The following CIT variants were observed in gnomAD, a reference collection of about 807,000 sequenced individuals.
The protein encoded by CIT is citron Rho-interacting kinase.
CIT carries 79 observed loss-of-function variants against 272.7 expected under a neutral mutation model. The ratio of observed to expected loss-of-function variants is 0.29; its 90% CI spans 0.24 to 0.35. The LOEUF is 0.35. Ranked by LOEUF, CIT falls within the 10% of genes least tolerant of loss-of-function variation. The probability of loss-of-function intolerance (pLI) is 1.00; values close to 1 mark genes in which losing one functional copy is unlikely to be tolerated. For synonymous variants in CIT, 948 were observed against 995.6 expected (o/e 0.95, Z 0.90); for missense variants, 1,909 against 2,618.3 (o/e 0.73, Z 5.91).
At chr12:119,809,651 G>A (rs915851519) in intron 9 of CIT, among the ~76,000 whole-genome samples, 1 of 152,114 alleles carries the variant, frequency 6.6e-6, no homozygotes, top group Admixed American at 6.5e-5. Flanking sequence ...CTTGGAGCTG[G>A]CCATAAAGAA....
Position 119,701,310 on chromosome 12 carries a change from A to AAAGGGAGGGG in CIT, c.5542+304_5542+313dup, listed in dbSNP as rs367986117. 2.3e-3 allele frequency among the ~76,000 whole-genome samples: 347 copies of AAAGGGAGGGG among 150,760 alleles called. 1 individual carries two copies. The highest frequency in any genetic ancestry group is 8.0e-3 in the African/African-American group (329 of 40,986). ...AAGAAAAGGACAGATAGAAGGATGG[A>AAAGGGAGGGG]AAGGGAGGGGAAGGGAGGGGAGGAC... On this transcript the variant is annotated intron_variant, in intron 43 of 47. Coordinates refer to ENST00000392521, the MANE Select transcript of CIT (RefSeq NM_001206999.2).
intron 2 of CIT, among the ~76,000 whole-genome samples, chr12:119,874,907 TA>T (rs1245174185): frequency 5.9e-5 from 9 of 151,796 alleles, no homozygotes; most frequent in Admixed American, 3.3e-4. Context: ...AAAAAAATCT[TA>T]AAAAATAAAC....
chr12:119,710,702 G>A lies in CIT; in HGVS notation c.4855-82C>T. 1 of 1,362,590 alleles carries A rather than the reference G, an allele frequency of 7.3e-7. No homozygotes were observed. The highest frequency in any genetic ancestry group is 1.0e-6 in the Non-Finnish European group (1 of 954,450). 84.4% of individuals were successfully genotyped at this position (1,362,590 alleles called of 1,614,324 possible). A position where few individuals can be genotyped will look rare whatever the true frequency, so the allele number is the denominator to read the frequency against. ...TGACCAAACCATCCAGAGAAACCAAGAGAAGGTTAAGGCCAAGTTATTCCT... is the reference window on the plus strand; with the variant it reads ...TGACCAAACCATCCAGAGAAACCAAAAGAAGGTTAAGGCCAAGTTATTCCT... On this transcript the variant is annotated intron_variant, in intron 37 of 47. Coordinates refer to ENST00000392521, the MANE Select transcript of CIT (RefSeq NM_001206999.2). This position sits in a 1 kb window ranked among gnomAD's most constrained non-coding sequence, Gnocchi z 5.6.
At chr12:119,764,891 C>T (rs1468987405) in intron 19 of CIT, among the ~76,000 whole-genome samples, 2 of 152,026 alleles carry the variant, frequency 1.3e-5, no homozygotes, top group African/African-American at 4.8e-5. Context: ...ACTGCAACCT[C>T]TGCTCACTGG....
chr12:119,823,361 C>T (rs1967885500), intron 8 of CIT, among the ~76,000 whole-genome samples: 1 of 152,168 alleles, frequency 6.6e-6, no homozygotes. Flanking sequence ...TCTGCATGTT[C>T]CCTCTGCACT....
chr12:119,833,772 C>A (rs1450374848), intron 6 of CIT, among the ~76,000 whole-genome samples: 1 of 151,776 alleles, frequency 6.6e-6, no homozygotes, highest in East Asian at 1.9e-4. Context: ...TTCTGCAAAC[C>A]AAATTCAGTT....
chr12:119,810,706 G>GAA (rs5801367), intron 9 of CIT, among the ~76,000 whole-genome samples: 21 of 100,226 alleles, frequency 2.1e-4, no homozygotes, highest in Admixed American at 4.4e-4. Context: ...CATCATCTCA[G>GAA]AAAAAAAAAA....
chr12:119,709,774 G>GAT (rs1957060123), intron 39 of CIT, among the ~76,000 whole-genome samples: 2 of 51,032 alleles, frequency 3.9e-5, no homozygotes, highest in Non-Finnish European at 7.4e-5. Flanking sequence ...GAGAGAGAGA[G>GAT]AGAGAGAGAG....
At chr12:119,787,730 C>CAAAAAAAAAA (rs61554565) in intron 10 of CIT, among the ~76,000 whole-genome samples, 1 of 49,052 alleles carries the variant, frequency 2.0e-5, no homozygotes, top group Admixed American at 2.9e-4. Context: ...GACTCCGTCT[C>CAAAAAAAAAA]AAAAAAAAAA....
chr12:119,873,497 C>A lies in CIT; in HGVS notation c.96+2576G>T, dbSNP rs138442775. 7.8e-3 allele frequency among the ~76,000 whole-genome samples: 1,188 copies of A among 152,034 alleles called. 13 individuals carry two copies. The highest frequency in any genetic ancestry group is 0.027 in the African/African-American group (1,120 of 41,450). On this transcript the variant is annotated intron_variant, in intron 2 of 47. Coordinates refer to ENST00000392521, the MANE Select transcript of CIT (RefSeq NM_001206999.2). ...GGCTCACCATGTTGCCCGGGCTGCT[C>A]TCGAACTCCTGACCTCAAGCAATCC...
Position 119,758,604 on chromosome 12 carries a change from T to C in CIT, c.2518A>G (p.Thr840Ala). The change falls in exon 21 of 48, where the codon ACC (threonine) becomes GCC (alanine). Residue 840 changes from threonine to alanine, a missense_variant. By Grantham distance (58) the Thr-to-Ala change is moderately conservative (BLOSUM62 0). Coordinates refer to ENST00000392521, the MANE Select transcript of CIT (RefSeq NM_001206999.2). ...TTGAATACTTACATGTTCCTTTGGGTAAAAAGACTGCTATTTGCTGCAAGT... is the reference window on the plus strand; with the variant it reads ...TTGAATACTTACATGTTCCTTTGGGCAAAAAGACTGCTATTTGCTGCAAGT... ...NKLAANSSLFTQRNMKAQEEM... is the reference protein window; with the variant it reads ...NKLAANSSLFAQRNMKAQEEM... 6.2e-7 allele frequency: 1 copy of C among 1,608,862 alleles called. No individual in the cohort carries two copies. Among genetic ancestry groups the C allele is most frequent in the South Asian group, 1.1e-5 (1 of 90,958 alleles).
intron 18 of CIT, among the ~76,000 whole-genome samples, chr12:119,767,913 T>C (rs977790801): frequency 3.7e-5 from 5 of 134,746 alleles, no homozygotes; most frequent in African/African-American, 5.8e-5. Flanking sequence ...AGTTTCCAGC[T>C]TTTTTTTTTT....
chr12:119,688,701 G>A (rs1246752645), intron 47 of CIT, among the ~76,000 whole-genome samples: 1 of 152,172 alleles, frequency 6.6e-6, no homozygotes, highest in East Asian at 1.9e-4. Flanking sequence ...CCCTGCCTGG[G>A]GGAGCCCCTG....
chr12:119,746,761 T>C (rs1269273030), intron 23 of CIT, among the ~76,000 whole-genome samples: 3 of 152,238 alleles, frequency 2.0e-5, no homozygotes, highest in African/African-American at 4.8e-5. Context: ...TTATGGCTTT[T>C]GATTTATTAC....
At position 119,718,356 on chromosome 12, in the gene CIT, T is replaced by C; in HGVS notation, c.4057A>G (p.Arg1353Gly). ...ATGGCGGACATGGCGATCTGCTGCC[T>C]CGCGGTGGCTGGCGTGGATGGGTGT... ...HPHPSTPATA[R>G]QQIAMSAIVR... is the part of the protein sequence containing the mutation. Residue 1353 changes from arginine (R) to glycine (G), a missense_variant, in exon 32 of 48, where the codon AGG (arginine) becomes GGG (glycine). Arg to Gly is a moderately radical substitution (Grantham distance 125). Around this residue, in one of 8 missense-constraint regions of CIT, gnomAD observed 780 missense variants for 1,067.2 expected, o/e 0.73. Coordinates refer to ENST00000392521, the MANE Select transcript of CIT (RefSeq NM_001206999.2). The surrounding 1 kb of genome is among the most constrained non-coding windows in gnomAD (Gnocchi z 4.8). 3 of 1,614,030 alleles carry C rather than the reference T, an allele frequency of 1.9e-6. No homozygotes were observed. Among genetic ancestry groups the C allele is most frequent in the Non-Finnish European group, 2.5e-6 (3 of 1,179,974 alleles).
At chr12:119,747,454 C>T (rs1392016871) in intron 23 of CIT, among the ~76,000 whole-genome samples, 3 of 149,494 alleles carry the variant, frequency 2.0e-5, no homozygotes, top group African/African-American at 7.4e-5. Flanking sequence ...GGCGCAGTGG[C>T]TCAAGCCTGT....
chr12:119,718,499 A>C lies in CIT; in HGVS notation c.4004-90T>G. 1 of 1,496,846 alleles carries C rather than the reference A, an allele frequency of 6.7e-7. No individual in the cohort carries two copies. The highest frequency in any genetic ancestry group is 9.0e-7 in the Non-Finnish European group (1 of 1,108,310). 92.7% of individuals were successfully genotyped at this position (1,496,846 alleles called of 1,614,324 possible). ...AATGTCCCTGGGCTATCTTTCAAGGACCCAAGACCAAAAGAATATGCGTCA... is the reference window on the plus strand; with the variant it reads ...AATGTCCCTGGGCTATCTTTCAAGGCCCCAAGACCAAAAGAATATGCGTCA... On this transcript the variant is annotated intron_variant, in intron 31 of 47. Coordinates refer to ENST00000392521, the MANE Select transcript of CIT (RefSeq NM_001206999.2). The surrounding 1 kb of genome is among the most constrained non-coding windows in gnomAD (Gnocchi z 4.8).
chr12:119,862,692 C>T (rs1040033644), intron 3 of CIT, among the ~76,000 whole-genome samples: 1 of 150,650 alleles, frequency 6.6e-6, no homozygotes, highest in Non-Finnish European at 1.5e-5. Context: ...CACCTATAAT[C>T]CCAGCTACTC....
intron 9 of CIT, among the ~76,000 whole-genome samples, chr12:119,814,494 T>G (rs774001399): frequency 1.3e-5 from 2 of 152,116 alleles, no homozygotes; most frequent in Non-Finnish European, 2.9e-5. Flanking sequence ...TCCCTCTTGC[T>G]CCCCTTCCCG....
Sources: allele counts gnomAD v4.1 joint callset (sites outside exome capture counted in the v4.1 genomes callset), GRCh38; gene constraint gnomAD v4.1.1; regional missense constraint gnomAD v4.1.1; non-coding constraint Gnocchi (gnomAD v3.1); transcripts MANE v1.5; gene names NCBI Gene and HGNC (gene_info 2026-07-23, HGNC 2026-07-21).